SRFBP1: variants seen among roughly 807,000 people sequenced by gnomAD.
The protein encoded by SRFBP1 is serum response factor binding protein 1.
In SRFBP1, 47 loss-of-function variants were observed where a neutral mutation model predicts 45.5. The observed-to-expected ratio is 1.03, with a 90% CI of 0.82 to 1.32. SRFBP1 has a LOEUF of 1.32. Among genes scored for constraint, SRFBP1 ranks in the 40% most tolerant of loss-of-function variants. The probability of loss-of-function intolerance (pLI) is 0.00; values close to 1 mark genes in which losing one functional copy is unlikely to be tolerated. For missense variants in SRFBP1, 621 were observed against 484.6 expected (o/e 1.28, Z -2.64); for synonymous variants, 203 against 166.3 (o/e 1.22, Z -1.70).
intron 3 of SRFBP1, among the ~76,000 whole-genome samples, chr5:121,984,341 A>C (rs1304050605): frequency 6.6e-6 from 1 of 151,804 alleles, no homozygotes; most frequent in Non-Finnish European, 1.5e-5. Flanking sequence ...TGCTTACTTC[A>C]TCTTCATACA....
intron 3 of SRFBP1, among the ~76,000 whole-genome samples, chr5:121,990,666 C>T (rs981075052): frequency 1.3e-5 from 2 of 152,134 alleles, no homozygotes; most frequent in African/African-American, 4.8e-5. Flanking sequence ...GTCTCATAGT[C>T]AAAGGTGAAT....
intron 4 of SRFBP1, among the ~76,000 whole-genome samples, chr5:122,013,190 A>G (rs1237942743): frequency 6.6e-6 from 1 of 152,098 alleles, no homozygotes; most frequent in Non-Finnish European, 1.5e-5. Flanking sequence ...AGCACTCACT[A>G]TGTCTGTATT....
intron 2 of SRFBP1, among the ~76,000 whole-genome samples, chr5:122,055,988 C>T (rs550222328): frequency 6.6e-6 from 1 of 152,228 alleles, no homozygotes; most frequent in South Asian, 2.1e-4. Context: ...TCCAAATTCC[C>T]TAACCACTTT....
At position 122,020,323 on chromosome 5, in the gene SRFBP1, AGCAGTGACTATT is replaced by A. The variant is rs775589968; in HGVS notation, c.592_603del (p.Val198_Ala201del). 6.8e-6 allele frequency: 11 copies of A among 1,613,726 alleles called. No individual in the cohort carries two copies. The highest frequency in any genetic ancestry group is 8.5e-6 in the Non-Finnish European group (10 of 1,179,934). On this transcript the variant is annotated inframe_deletion, in exon 6 of 8. Coordinates refer to ENST00000339397, the MANE Select transcript of SRFBP1 (RefSeq NM_152546.3). Reference sequence around the variant, plus strand: ...TAGCAAAGATGGAACATGGACCTAAAGCAGTGACTATTGCAAATTCTCCATCAAAGCCTTCAG... The same window carrying A: ...TAGCAAAGATGGAACATGGACCTAAAGCAAATTCTCCATCAAAGCCTTCAG...
intron 2 of SRFBP1, among the ~76,000 whole-genome samples, chr5:122,067,871 C>T (rs1580557150): frequency 6.6e-6 from 1 of 151,984 alleles, no homozygotes. Flanking sequence ...TCAAATGTAT[C>T]CTAAAGTCAC....
intron 2 of SRFBP1, among the ~76,000 whole-genome samples, chr5:122,049,141 G>T (rs188296863): frequency 6.6e-5 from 10 of 151,642 alleles, no homozygotes; most frequent in African/African-American, 2.4e-4. Context: ...GTGATGTTAG[G>T]GTGTCAATAC....
At chr5:121,962,568 A>G (rs970734903) in intron 1 of SRFBP1, among the ~76,000 whole-genome samples, 4 of 152,114 alleles carry the variant, frequency 2.6e-5, no homozygotes, top group Admixed American at 1.3e-4. Flanking sequence ...TTAGTGTCCT[A>G]TTTCTTTGCT....
intron 3 of SRFBP1, among the ~76,000 whole-genome samples, chr5:121,985,813 G>A (rs546493498): frequency 4.7e-4 from 72 of 151,930 alleles, no homozygotes; most frequent in African/African-American, 1.7e-3. Flanking sequence ...TTTGTGGGGG[G>A]TTGGGGGATT....
At chr5:121,998,998 T>C (rs975872824) in intron 4 of SRFBP1, among the ~76,000 whole-genome samples, 4 of 152,184 alleles carry the variant, frequency 2.6e-5, no homozygotes, top group African/African-American at 9.6e-5. Context: ...TTTACTTTCA[T>C]TGATTTTTGC....
chr5:122,041,378 G>A (rs1753770199), intron 2 of SRFBP1, among the ~76,000 whole-genome samples: 2 of 151,984 alleles, frequency 1.3e-5, no homozygotes, highest in South Asian at 4.1e-4. Flanking sequence ...ATAGGTATTT[G>A]TATTTTTATT....
At chr5:121,989,159 G>A (rs1293541495) in intron 3 of SRFBP1, among the ~76,000 whole-genome samples, 4 of 152,076 alleles carry the variant, frequency 2.6e-5, no homozygotes, top group Non-Finnish European at 5.9e-5. Flanking sequence ...CACCTCCCAG[G>A]TTCAAGCGAT....
chr5:121,966,744 A>ATG (rs1752077330), intron 1 of SRFBP1, among the ~76,000 whole-genome samples: 1 of 152,046 alleles, frequency 6.6e-6, no homozygotes, highest in South Asian at 2.1e-4. Flanking sequence ...AACGGCCTAT[A>ATG]TGTACAACTG....
intron 4 of SRFBP1, among the ~76,000 whole-genome samples, chr5:121,997,303 G>T (rs1752749449): frequency 6.7e-6 from 1 of 149,730 alleles, no homozygotes; most frequent in Non-Finnish European, 1.5e-5. Flanking sequence ...CATGGTACTG[G>T]TACCAAAACA....
At chr5:122,031,835 C>A (rs554752527), downstream of SRFBP1, among the ~76,000 whole-genome samples, 1 of 152,218 alleles carries the variant, frequency 6.6e-6, no homozygotes, top group Non-Finnish European at 1.5e-5. Context: ...CAGACTACAA[C>A]GTGAATGGAT....
intron 3 of SRFBP1, among the ~76,000 whole-genome samples, chr5:121,977,439 G>T (rs1752326197): frequency 6.6e-6 from 1 of 152,008 alleles, no homozygotes; most frequent in Non-Finnish European, 1.5e-5. Context: ...GTTCTTACGT[G>T]TCAAATTTTA....
At chr5:122,004,759 A>G (rs1252166249) in intron 4 of SRFBP1, among the ~76,000 whole-genome samples, 2 of 151,492 alleles carry the variant, frequency 1.3e-5, no homozygotes, top group Non-Finnish European at 2.9e-5. Flanking sequence ...TTTATTTGAG[A>G]TCTCTTTTGA....
intron 4 of SRFBP1, among the ~76,000 whole-genome samples, chr5:121,995,070 C>CT (rs1317428726): frequency 1.5e-4 from 22 of 151,612 alleles, no homozygotes; most frequent in Admixed American, 3.9e-4. Context: ...TAATGGGAGA[C>CT]TTTAACACCC....
chr5:122,027,008 A>G lies in SRFBP1; in HGVS notation c.1172A>G (p.Asn391Ser). The change falls in exon 8 of 8, where the codon AAT becomes AGT. Residue 391 changes from asparagine to serine, a missense_variant. Coordinates refer to ENST00000339397, the MANE Select transcript of SRFBP1 (RefSeq NM_152546.3). The part of the protein sequence containing the change: ...FNKKLSGRLE[N>S]TKQQLQLPLH... ...AAGAAGCTATCAGGAAGACTTGAAA[A>G]TACAAAACAGCAATTGCAGCTGCCT... 11 of 1,613,268 alleles carry G rather than the reference A, an allele frequency of 6.8e-6. No individual in the cohort carries two copies. The highest frequency in any genetic ancestry group is 9.3e-6 in the Non-Finnish European group (11 of 1,179,784).
At chr5:122,068,315 A>T (rs556789945) in intron 2 of SRFBP1, among the ~76,000 whole-genome samples, 7 of 152,204 alleles carry the variant, frequency 4.6e-5, no homozygotes, top group Non-Finnish European at 8.8e-5. Context: ...AATGGATTCT[A>T]CTGATTAAAA....
Sources: gnomAD v4.1 joint callset for allele counts (sites outside exome capture counted in the v4.1 genomes callset) on GRCh38, gnomAD v4.1.1 for gene constraint, MANE v1.5 for transcripts, NCBI Gene and HGNC (gene_info 2026-07-23, HGNC 2026-07-21) for gene names.